The following CAPN14 variants were observed in gnomAD, a reference collection of about 807,000 sequenced individuals.
CAPN14 encodes calpain 14.
CAPN14 carries 94 observed loss-of-function variants against 101.3 expected under a neutral mutation model. The observed-to-expected ratio is 0.93, with a 90% CI of 0.79 to 1.10. The LOEUF (loss-of-function observed/expected upper bound fraction) is 1.10. Ranked by LOEUF, CAPN14 falls within the 50% of genes least tolerant of loss-of-function variation. The pLI, the probability that CAPN14 is intolerant of heterozygous loss-of-function variation, is 0.00. For synonymous variants in CAPN14, 338 were observed against 317.9 expected, an observed-to-expected ratio of 1.06 and a Z score of -0.67; for missense variants, 837 against 828.4, an observed-to-expected ratio of 1.01 and a Z score of -0.13.
chr2:31,175,212 A>C (rs1387216154), intron 21 of CAPN14, among the ~76,000 whole-genome samples: 2 of 152,226 alleles, frequency 1.3e-5, no homozygotes, highest in Admixed American at 6.5e-5. Context: ...AGAAAGCCTC[A>C]GCGTGAAATC....
intron 21 of CAPN14, among the ~76,000 whole-genome samples, chr2:31,175,010 G>T (rs1680222622): frequency 6.6e-6 from 1 of 152,166 alleles, no homozygotes. Flanking sequence ...GTGCAAACTG[G>T]CAGGGTAGCA....
chr2:31,177,038 C>T lies in CAPN14; in HGVS notation c.1960G>A (p.Glu654Lys). Residue 654 changes from glutamate (E) to lysine (K), a missense_variant, in exon 20 of 22, where the codon GAG (glutamate) becomes AAG (lysine). Transcript: ENST00000403897. ...VSFIHLMLRV[E>K]NMEDVFQNLT... ...CCCGCCAGCTTACCCTCCATGTTCT[C>T]TACACGCAGCATCAAGTGGATGAAA... is the stretch of plus-strand genomic sequence containing the variant. 6.4e-7 allele frequency: 1 copy of T among 1,551,230 alleles called. No homozygotes were observed. Among genetic ancestry groups the T allele is most frequent in the Non-Finnish European group, 8.7e-7 (1 of 1,146,646 alleles).
chr2:31,219,306 C>A (rs1682790596), upstream of CAPN14, among the ~76,000 whole-genome samples: 1 of 152,178 alleles, frequency 6.6e-6, no homozygotes, highest in Non-Finnish European at 1.5e-5. Flanking sequence ...CCTTGCACAG[C>A]AGCACTGTGG....
intron 2 of CAPN14, among the ~76,000 whole-genome samples, chr2:31,226,228 G>A (rs935654282): frequency 3.9e-5 from 6 of 152,102 alleles, no homozygotes; most frequent in Admixed American, 6.5e-5. Context: ...ACCCCACTTT[G>A]TCTGCCTGTG....
Position 31,205,228 on chromosome 2 carries a change from G to A in CAPN14, c.220C>T (p.Pro74Ser), listed in dbSNP as rs1489103260. Residue 74 changes from proline to serine, a missense_variant, in exon 2 of 22, where the codon CCC becomes TCC. Physicochemically the swap from Pro to Ser is moderately conservative, Grantham distance 74 (BLOSUM62 -1). Transcript: ENST00000403897. ...GCTGACACATTTTGCCTCACCGGGG[G>A]CCTCTTCCACTGCAGGCGGGGTGGC... ...KLPPRLQWKR[P>S]PELHSNPQFY... is the part of the protein sequence containing the mutation. The A allele has an allele frequency of 6.5e-7, 1 of 1,549,558 alleles. No homozygotes were observed. The highest frequency in any genetic ancestry group is 8.7e-7 in the Non-Finnish European group (1 of 1,146,820).
Position 31,187,759 on chromosome 2 carries a change from T to C in CAPN14, c.1586A>G (p.Lys529Arg). The change falls in exon 15 of 22, where the codon AAG becomes AGG. Residue 529 changes from lysine (K) to arginine (R), a missense_variant and splice_region_variant. By Grantham distance (26) the Lys-to-Arg change is conservative. Coordinates refer to ENST00000403897, the MANE Select transcript of CAPN14 (RefSeq NM_001145122.2). Reference sequence around the variant, plus strand: ...CCCCACCACACCTGTTCAACTAACCTTTTCAAAGAATTTGGTGAAGAATTC... The same window carrying C: ...CCCCACCACACCTGTTCAACTAACCCTTTCAAAGAATTTGGTGAAGAATTC... Reference protein sequence around the residue: ...QDEFFTKFFEKHPEINAVQLQ... With the variant: ...QDEFFTKFFERHPEINAVQLQ... The C allele has an allele frequency of 1.3e-6, 2 of 1,551,202 alleles. No individual in the cohort carries two copies. The highest frequency in any genetic ancestry group is 1.7e-6 in the Non-Finnish European group (2 of 1,146,322).
At chr2:31,183,736 G>T (rs904113005) in intron 16 of CAPN14, among the ~76,000 whole-genome samples, 14 of 152,052 alleles carry the variant, frequency 9.2e-5, no homozygotes, top group African/African-American at 2.9e-4. Context: ...TACACTGTTG[G>T]TGGGACTGTA....
intron 1 of CAPN14, 89 bp downstream of exon 1, chr2:31,217,367 A>G (rs530319249): frequency 1.3e-5 from 2 of 152,294 alleles, no homozygotes; most frequent in Middle Eastern, 6.8e-3. Flanking sequence ...AGCAAATACC[A>G]TCCTCTCACC....
At chr2:31,211,703 T>C (rs1235422589) in intron 1 of CAPN14, among the ~76,000 whole-genome samples, 5 of 106,672 alleles carry the variant, frequency 4.7e-5, no homozygotes, top group African/African-American at 1.2e-4. Context: ...ACACACACGA[T>C]GGGAAGAAAA....
intron 16 of CAPN14, 28 bp from the exon 17 acceptor site, chr2:31,181,028 G>A (rs1680567038): frequency 2.6e-6 from 4 of 1,548,070 alleles, no homozygotes; most frequent in Non-Finnish European, 1.7e-6. Context: ...AGTCCACATG[G>A]GGGCTGGCCC....
chr2:31,193,047 C>T (rs1418099617), intron 10 of CAPN14, 84 bp downstream of exon 10: 14 of 1,329,324 alleles, frequency 1.1e-5, no homozygotes, highest in South Asian at 2.8e-5. Flanking sequence ...ATGCAGAATT[C>T]GTGCTGCAAC....
At chr2:31,180,908 G>A in intron 17 of CAPN14, 28 bp downstream of exon 17, 1 of 1,542,408 alleles carries the variant, frequency 6.5e-7, no homozygotes, top group Non-Finnish European at 8.8e-7. Context: ...CCAACAGCAA[G>A]CATCCACCCA....
intron 12 of CAPN14, 124 bp downstream of exon 12, chr2:31,191,275 A>T: frequency 1.1e-6 from 1 of 933,436 alleles, no homozygotes; most frequent in Non-Finnish European, 1.6e-6. Flanking sequence ...CATTCTCATC[A>T]TCTGGCATTA....
At chr2:31,200,060 AG>A (rs1397797360) in intron 6 of CAPN14, among the ~76,000 whole-genome samples, 1 of 151,948 alleles carries the variant, frequency 6.6e-6, no homozygotes, top group African/African-American at 2.4e-5. Context: ...CTGGAGTGCA[AG>A]GGTGAGATCT....
rs1681015795 is a variant in CAPN14, at chr2:31,188,447, T to C, written c.1494-93A>G. 3 of 1,138,714 alleles carry C rather than the reference T, an allele frequency of 2.6e-6. No individual in the cohort carries two copies. The Admixed American group carries it at 6.0e-5, about 23-fold the overall frequency. 70.5% of individuals were successfully genotyped at this position (1,138,714 alleles called of 1,614,324 possible). A position where few individuals can be genotyped will look rare whatever the true frequency, so the allele number is the denominator to read the frequency against. ...TCTCCTGGGAGCTCGTCTTCCACGTTCCTTCACTGAGGCACCACAAGGGCC... is the reference window on the plus strand; with the variant it reads ...TCTCCTGGGAGCTCGTCTTCCACGTCCCTTCACTGAGGCACCACAAGGGCC... On this transcript the variant is annotated intron_variant, in intron 13 of 21. Coordinates refer to ENST00000403897, the MANE Select transcript of CAPN14 (RefSeq NM_001145122.2).
rs1682703809 is a variant in CAPN14, at chr2:31,217,494, G to A, written c.-91C>T. ...TTTGCTTCTTTAAGCGCCTGGGCAA[G>A]CTCTAATCCCGGTGCAGTCAGAAGC... On this transcript the variant is annotated 5_prime_UTR_variant, in exon 1 of 22. Transcript: ENST00000403897. The A allele has an allele frequency of 6.6e-6, 1 of 152,158 alleles. No homozygotes were observed. The highest frequency in any genetic ancestry group is 6.5e-5 in the Admixed American group (1 of 15,278). The allele number at this position is 152,158 out of a possible 1,614,324, so 9.4% of individuals were successfully genotyped here.
chr2:31,183,425 G>A lies in CAPN14; in HGVS notation c.1646-2425C>T, dbSNP rs555407335. Among the ~76,000 whole-genome samples the A allele has an allele frequency of 2.3e-3, 347 of 152,076 alleles. 4 individuals are homozygous for A. The South Asian group carries it at 0.035, about 15-fold the overall frequency. ...ACCTACAAAATGGGAGAAAATTTTC[G>A]CAACCTACTCATCTGACAAAGGGCT... is the stretch of plus-strand genomic sequence containing the variant. On this transcript the variant is annotated intron_variant, in intron 16 of 21. Transcript: ENST00000403897.
chr2:31,211,541 T>C (rs1187818188), intron 1 of CAPN14, among the ~76,000 whole-genome samples: 3 of 152,126 alleles, frequency 2.0e-5, no homozygotes, highest in African/African-American at 7.2e-5. Flanking sequence ...ATTAATCAAA[T>C]ACAGGAGTCA....
chr2:31,183,571 A>C (rs1326660207), intron 16 of CAPN14, among the ~76,000 whole-genome samples: 1 of 152,128 alleles, frequency 6.6e-6, no homozygotes, highest in African/African-American at 2.4e-5. Context: ...ATGCAGCCAA[A>C]AAACACATGA....
Sources: allele counts gnomAD v4.1 joint callset (sites outside exome capture counted in the v4.1 genomes callset), GRCh38; gene constraint gnomAD v4.1.1; transcripts MANE v1.5; gene names NCBI Gene and HGNC (gene_info 2026-07-23, HGNC 2026-07-21).